Variants in PTPN4 observed in about 807,000 individuals in gnomAD.
The protein encoded by PTPN4 is protein tyrosine phosphatase non-receptor type 4.
A neutral mutation model predicts 135.5 loss-of-function variants in PTPN4; 49 were observed. The ratio of observed to expected loss-of-function variants is 0.36; its 90% CI spans 0.29 to 0.46. PTPN4 has a LOEUF of 0.46. Among genes scored for constraint, PTPN4 ranks in the 20% least tolerant of loss-of-function variants. PTPN4 has a pLI of 1.00. For synonymous variants in PTPN4, 333 were observed against 369.9 expected, an observed-to-expected ratio of 0.90 and a Z score of 1.14; for missense variants, 860 against 1,101.0, an observed-to-expected ratio of 0.78 and a Z score of 3.10.
intron 4 of PTPN4, 30 bp from the exon 5 acceptor site, chr2:119,877,431 CTGA>C: frequency 6.2e-7 from 1 of 1,605,420 alleles, no homozygotes. Context: ...TTAATATAGT[CTGA>C]TTAATTAGAA....
Position 119,938,291 on chromosome 2 carries a change from C to T in PTPN4, c.1355+3333C>T, listed in dbSNP as rs558017972. Among the ~76,000 whole-genome samples, 12 of 151,998 alleles carry T rather than the reference C, an allele frequency of 7.9e-5. No homozygotes were observed. The South Asian group carries it at 2.3e-3, about 29-fold the overall frequency. On this transcript the variant is annotated intron_variant, in intron 15 of 26. Transcript: ENST00000263708. ...TACAGGCGCCCGTCACCACACCCGG[C>T]TAATTTTTTGTGTTTTTAGTAGAGA...
At chr2:119,955,393 T>G in intron 20 of PTPN4, 70 bp downstream of exon 20, 3 of 1,222,750 alleles carry the variant, frequency 2.5e-6, no homozygotes, top group Non-Finnish European at 1.1e-6. Context: ...GTTTCTTAAG[T>G]GCCTAATCTG....
Position 119,962,755 on chromosome 2 carries a change from A to G in PTPN4, c.2409+11A>G. 1.3e-6 allele frequency: 2 copies of G among 1,559,336 alleles called. No individual in the cohort carries two copies. The highest frequency in any genetic ancestry group is 1.7e-6 in the Non-Finnish European group (2 of 1,144,050). On this transcript the variant is annotated intron_variant, in intron 24 of 26. Transcript: ENST00000263708. ...CTATTTAACCAAGAGGTAAGAAGGC[A>G]GGATATCTGTTCATTAGAACTGTTG...
At chr2:119,823,673 G>T (rs1204925071) in intron 2 of PTPN4, among the ~76,000 whole-genome samples, 3 of 152,158 alleles carry the variant, frequency 2.0e-5, no homozygotes, top group Non-Finnish European at 4.4e-5. Flanking sequence ...CTCAAATTCT[G>T]TGTTTGCTGA....
chr2:119,813,258 T>G (rs1248111947), intron 2 of PTPN4, among the ~76,000 whole-genome samples: 1 of 151,682 alleles, frequency 6.6e-6, no homozygotes, highest in Admixed American at 6.6e-5. Context: ...CTTTCTTTTT[T>G]TTTTTTGAGA....
chr2:119,861,812 T>C (rs1677764110), intron 2 of PTPN4, among the ~76,000 whole-genome samples: 4 of 152,272 alleles, frequency 2.6e-5, no homozygotes, highest in Admixed American at 2.6e-4. Flanking sequence ...TTTAACAGCT[T>C]TGGAACTTGG....
chr2:119,938,201 C>T (rs1293061114), intron 15 of PTPN4, among the ~76,000 whole-genome samples: 3 of 145,264 alleles, frequency 2.1e-5, no homozygotes, highest in African/African-American at 7.7e-5. Flanking sequence ...AATCTTGGCT[C>T]ACTGCAAGCT....
intron 1 of PTPN4, among the ~76,000 whole-genome samples, chr2:119,793,846 G>GTTTTTTTTTTTTTTTTT (rs55956611): frequency 4.0e-5 from 1 of 24,800 alleles, no homozygotes; most frequent in African/African-American, 1.8e-4. Flanking sequence ...TTCATTTTTA[G>GTTTTTTTTTTTTTTTTT]TTTTTTTTTT....
At chr2:119,893,686 G>A (rs1411355954) in intron 9 of PTPN4, among the ~76,000 whole-genome samples, 5 of 152,104 alleles carry the variant, frequency 3.3e-5, no homozygotes, top group Admixed American at 2.6e-4. Context: ...AACCAAGAAG[G>A]AGCAGCCATT....
intron 1 of PTPN4, among the ~76,000 whole-genome samples, chr2:119,796,761 G>A (rs935413443): frequency 1.3e-5 from 2 of 152,066 alleles, no homozygotes; most frequent in East Asian, 1.9e-4. Context: ...GTGCCAAACC[G>A]TTTTCCAGCA....
intron 3 of PTPN4, among the ~76,000 whole-genome samples, chr2:119,870,474 G>C (rs931198313): frequency 6.6e-6 from 1 of 152,164 alleles, no homozygotes; most frequent in African/African-American, 2.4e-5. Flanking sequence ...AATTTTTGGG[G>C]AGAAGATTTG....
chr2:119,793,215 C>G (rs771239391), intron 1 of PTPN4, among the ~76,000 whole-genome samples: 1 of 152,134 alleles, frequency 6.6e-6, no homozygotes, highest in Non-Finnish European at 1.5e-5. Flanking sequence ...TTAGAGGCCT[C>G]CCCCTGGGAA....
chr2:119,894,973 A>AAATATT (rs201162536), intron 9 of PTPN4, among the ~76,000 whole-genome samples: 3,657 of 152,312 alleles, frequency 0.024, 62 homozygotes, highest in Non-Finnish European at 0.033. Context: ...TTTGGGGGGC[A>AAATATT]AATATGAATA....
chr2:119,793,589 G>T (rs2104937113), intron 1 of PTPN4, among the ~76,000 whole-genome samples: 1 of 152,302 alleles, frequency 6.6e-6, no homozygotes, highest in East Asian at 1.9e-4. Context: ...GATTGGGGAA[G>T]TGATAAATGT....
intron 19 of PTPN4, 57 bp from the exon 20 acceptor site, chr2:119,955,100 C>G (rs981197720): frequency 7.0e-7 from 1 of 1,424,618 alleles, no homozygotes; most frequent in Admixed American, 2.1e-5. Flanking sequence ...AAATTCCTAT[C>G]GTGTGAATTC....
chr2:119,784,433 C>A (rs1265430681), intron 1 of PTPN4, among the ~76,000 whole-genome samples: 2 of 140,720 alleles, frequency 1.4e-5, no homozygotes. Context: ...GTCGCCCAGG[C>A]TGGAGTGAAG....
chr2:119,929,929 C>T (rs1678879500), intron 13 of PTPN4, among the ~76,000 whole-genome samples: 1 of 152,082 alleles, frequency 6.6e-6, no homozygotes, highest in Admixed American at 6.5e-5. Context: ...AACTTTCATA[C>T]AGCTTACATT....
At position 119,965,608 on chromosome 2, in the gene PTPN4, A is replaced by T. The variant is rs772727383; in HGVS notation, c.2521A>T (p.Arg841Trp). The T allele has an allele frequency of 6.2e-7, 1 of 1,614,100 alleles. No individual in the cohort carries two copies. Among genetic ancestry groups the T allele is most frequent in the East Asian group, 2.2e-5 (1 of 44,878 alleles). ...TTTTGTTTGTCATGTACGAAACAAG[A>T]GGGCTGGCAAGGAAGAACCCGTTGT... The part of the protein sequence containing the change: ...LDFVCHVRNK[R>W]AGKEEPVVVH... Residue 841 changes from arginine to tryptophan, a missense_variant, in exon 25 of 27, where the codon AGG becomes TGG. This residue lies in a region of PTPN4 where 176 missense variants were observed against 294.1 expected (regional missense o/e 0.60). Transcript: ENST00000263708.
chr2:119,831,764 A>G (rs1677223070), intron 2 of PTPN4, among the ~76,000 whole-genome samples: 1 of 152,184 alleles, frequency 6.6e-6, no homozygotes, highest in African/African-American at 2.4e-5. Flanking sequence ...CTTTGAGACA[A>G]CATATATCTG....
Sources: gnomAD v4.1 joint callset for allele counts (sites outside exome capture counted in the v4.1 genomes callset) on GRCh38, gnomAD v4.1.1 for gene constraint, gnomAD v4.1.1 regional missense constraint, MANE v1.5 for transcripts, NCBI Gene and HGNC (gene_info 2026-07-23, HGNC 2026-07-21) for gene names.